LRRC4C: variants seen among roughly 807,000 people sequenced by gnomAD.
The protein encoded by LRRC4C is leucine-rich repeat-containing protein 4C.
Under a neutral mutation model 33.6 loss-of-function variants are expected in LRRC4C, and 5 were observed. That is an observed-to-expected ratio of 0.15 (90% CI 0.08 to 0.31). The LOEUF (loss-of-function observed/expected upper bound fraction) is 0.31, where lower values mean the gene tolerates loss of function less well. LRRC4C is among the 10% of genes least tolerant of loss of function. The probability of loss-of-function intolerance (pLI) is 1.00; values close to 1 mark genes in which losing one functional copy is unlikely to be tolerated. For missense variants in LRRC4C, 560 were observed against 796.7 expected (o/e 0.70, Z 3.58); for synonymous variants, 329 against 302.0 (o/e 1.09, Z -0.93).
At chr11:40,281,073 G>A (rs1484321575) in intron 4 of LRRC4C, among the ~76,000 whole-genome samples, 1 of 152,150 alleles carries the variant, frequency 6.6e-6, no homozygotes, top group African/African-American at 2.4e-5. Flanking sequence ...GAGAGGGTGA[G>A]AAAGAGAGGG....
In LRRC4C at chr11:40,770,975, A is replaced by T. The variant is rs538465579; in HGVS notation, c.-406-122697T>A. Among the ~76,000 whole-genome samples, 10 of 152,256 alleles carry T rather than the reference A, an allele frequency of 6.6e-5. No individual in the cohort carries two copies. The South Asian group carries it at 1.7e-3, about 25-fold the overall frequency. On this transcript the variant is annotated intron_variant, in intron 2 of 6. Coordinates refer to ENST00000528697, the MANE Select transcript of LRRC4C (RefSeq NM_001258419.2). The stretch of plus-strand genomic sequence containing the variant: ...TTCTAGGCACTCACTGGAAGCTGTC[A>T]GTGGATCTACCGTTCTAGGATCTGG...
At position 40,751,434 on chromosome 11, in the gene LRRC4C, TAAC is replaced by T. The variant is rs1188050121; in HGVS notation, c.-406-103159_-406-103157del. On this transcript the variant is annotated intron_variant, in intron 2 of 6. Transcript: ENST00000528697. ...TCAGAAATGTTGAAGGATACAAAGT[TAAC>T]AATAGTCAGTAATGTTTGTAAACAC... Among the ~76,000 whole-genome samples the T allele has an allele frequency of 1.3e-5, 2 of 152,004 alleles. 1 individual carries two copies. Among genetic ancestry groups the T allele is most frequent in the African/African-American group, 4.8e-5 (2 of 41,396 alleles).
intron 3 of LRRC4C, among the ~76,000 whole-genome samples, chr11:40,539,816 G>A (rs1956629743): frequency 6.6e-6 from 1 of 152,104 alleles, no homozygotes; most frequent in Non-Finnish European, 1.5e-5. Flanking sequence ...AACTTTAAGT[G>A]AGTTTTGTGG....
intron 4 of LRRC4C, among the ~76,000 whole-genome samples, chr11:40,318,332 A>G (rs1235790244): frequency 6.6e-6 from 1 of 152,104 alleles, no homozygotes; most frequent in Non-Finnish European, 1.5e-5. Flanking sequence ...AAATCATCAA[A>G]ATTTGACCAA....
intron 1 of LRRC4C, among the ~76,000 whole-genome samples, chr11:41,361,963 T>C (rs1308104678): frequency 1.3e-5 from 2 of 152,226 alleles, no homozygotes; most frequent in African/African-American, 4.8e-5. Flanking sequence ...ATATTAATAA[T>C]TGCTACTATT....
intron 3 of LRRC4C, among the ~76,000 whole-genome samples, chr11:40,454,557 G>A (rs866763796): frequency 6.6e-6 from 1 of 152,076 alleles, no homozygotes; most frequent in Non-Finnish European, 1.5e-5. Context: ...AAACTTGTGC[G>A]ATTCAACAAC....
intron 2 of LRRC4C, among the ~76,000 whole-genome samples, chr11:40,928,755 A>G (rs991319936): frequency 2.0e-5 from 3 of 152,184 alleles, no homozygotes; most frequent in Admixed American, 6.5e-5. Context: ...TGACCTATGA[A>G]TAAAAATATC....
At chr11:40,609,925 A>G (rs1239877531) in intron 3 of LRRC4C, among the ~76,000 whole-genome samples, 3 of 152,058 alleles carry the variant, frequency 2.0e-5, no homozygotes, top group African/African-American at 7.2e-5. Context: ...AGAAAAGTCC[A>G]GAACCAGATA....
At chr11:40,529,087 C>T (rs148583284) in intron 3 of LRRC4C, among the ~76,000 whole-genome samples, 371 of 152,170 alleles carry the variant, frequency 2.4e-3, no homozygotes, top group African/African-American at 8.5e-3. Flanking sequence ...TGATAGTCAA[C>T]TGTTTTACAC....
intron 5 of LRRC4C, among the ~76,000 whole-genome samples, chr11:40,172,296 A>G (rs928962995): frequency 2.0e-5 from 3 of 152,098 alleles, no homozygotes; most frequent in Non-Finnish European, 4.4e-5. Flanking sequence ...CACTATTACT[A>G]TTCTAGTCTA....
chr11:40,757,207 C>T (rs1948996597), intron 2 of LRRC4C, among the ~76,000 whole-genome samples: 1 of 151,990 alleles, frequency 6.6e-6, no homozygotes, highest in South Asian at 2.1e-4. Flanking sequence ...ATGGTTTTCA[C>T]CCAGTCATGA....
intron 3 of LRRC4C, among the ~76,000 whole-genome samples, chr11:40,505,647 T>C (rs1282331602): frequency 1.3e-5 from 2 of 152,162 alleles, no homozygotes; most frequent in Non-Finnish European, 2.9e-5. Context: ...GTATTTCAGA[T>C]GTATGTCAGG....
intron 3 of LRRC4C, among the ~76,000 whole-genome samples, chr11:40,373,107 T>C (rs1205585715): frequency 2.0e-5 from 3 of 152,162 alleles, no homozygotes; most frequent in Non-Finnish European, 2.9e-5. Flanking sequence ...CAAAGACAAC[T>C]AGGTTTCCTA....
chr11:40,524,058 A>G (rs1955936715), intron 3 of LRRC4C, among the ~76,000 whole-genome samples: 1 of 152,206 alleles, frequency 6.6e-6, no homozygotes, highest in Admixed American at 6.5e-5. Flanking sequence ...GTTTCTTGCT[A>G]ACTCAGAATC....
intron 1 of LRRC4C, among the ~76,000 whole-genome samples, chr11:41,233,403 T>G: frequency 6.6e-6 from 1 of 152,126 alleles, no homozygotes; most frequent in Non-Finnish European, 1.5e-5. Context: ...GCTGAATAGT[T>G]ACCATTTTAA....
chr11:40,750,789 G>T (rs1475378531), intron 2 of LRRC4C, among the ~76,000 whole-genome samples: 1 of 141,992 alleles, frequency 7.0e-6, no homozygotes, highest in Non-Finnish European at 1.5e-5. Context: ...GTACCCTAAA[G>T]CTTAAAGTAT....
At chr11:40,281,213 T>C (rs555979518) in intron 4 of LRRC4C, among the ~76,000 whole-genome samples, 1 of 152,158 alleles carries the variant, frequency 6.6e-6, no homozygotes, top group East Asian at 1.9e-4. Flanking sequence ...CACACCACTG[T>C]GTAGATGTTA....
chr11:41,190,443 C>T (rs544850494), intron 1 of LRRC4C, among the ~76,000 whole-genome samples: 57 of 152,224 alleles, frequency 3.7e-4, no homozygotes, highest in Admixed American at 8.5e-4. Flanking sequence ...AAACATCTCT[C>T]GGGCAGGGTT....
At chr11:40,870,015 C>T (rs1035287365) in intron 2 of LRRC4C, among the ~76,000 whole-genome samples, 3 of 151,944 alleles carry the variant, frequency 2.0e-5, no homozygotes, top group Non-Finnish European at 2.9e-5. Flanking sequence ...ACTGTGGTGC[C>T]GTGTGACTCA....
Sources: gnomAD v4.1 joint callset for allele counts (sites outside exome capture counted in the v4.1 genomes callset) on GRCh38, gnomAD v4.1.1 for gene constraint, MANE v1.5 for transcripts, NCBI Gene and HGNC (gene_info 2026-07-23, HGNC 2026-07-21) for gene names.